Variants in CD38 observed in about 807,000 individuals in gnomAD.
CD38 encodes ADP-ribosyl cyclase/cyclic ADP-ribose hydrolase 1.
Under a neutral mutation model 36.3 loss-of-function variants are expected in CD38, and 31 were observed. The observed-to-expected ratio is 0.85, with a 90% CI of 0.64 to 1.15. The LOEUF is 1.15. Ranked by LOEUF, CD38 falls within the 50% of genes most tolerant of loss-of-function variation. CD38 has a pLI of 0.00. For missense variants in CD38, 380 were observed against 371.9 expected (o/e 1.02, Z -0.18); for synonymous variants, 131 against 135.2 (o/e 0.97, Z 0.22).
intron 5 of CD38, 137 bp downstream of exon 5, chr4:15,838,302 G>T: frequency 3.0e-6 from 2 of 676,724 alleles, no homozygotes; most frequent in South Asian, 1.9e-5. Context: ...TAAAAATTTT[G>T]AATTCCGTGG....
rs1724367173 is a variant in CD38, at chr4:15,850,822, G to A, written c.*2220G>A. On this transcript the variant is annotated 3_prime_UTR_variant, in exon 8 of 8. Coordinates refer to ENST00000226279, the MANE Select transcript of CD38 (RefSeq NM_001775.4). ...CCCCAAGTTGCCATTAGCTCCCCCTGCAGAATGTCTTCAGAATCGGGGCCC... is the reference window on the plus strand; with the variant it reads ...CCCCAAGTTGCCATTAGCTCCCCCTACAGAATGTCTTCAGAATCGGGGCCC... The A allele has an allele frequency of 6.6e-6, 1 of 152,320 alleles. No homozygotes were observed. The highest frequency in any genetic ancestry group is 1.5e-5 in the Non-Finnish European group (1 of 68,080). The allele number at this position is 152,320 out of a possible 1,614,324, so 9.4% of individuals were successfully genotyped here.
chr4:15,786,041 T>G (rs955590722), intron 1 of CD38, among the ~76,000 whole-genome samples: 1 of 152,154 alleles, frequency 6.6e-6, no homozygotes, highest in Non-Finnish European at 1.5e-5. Context: ...TTCCTCCTGG[T>G]GGGTTCATGG....
chr4:15,788,690 A>G (rs1385461197), intron 1 of CD38, among the ~76,000 whole-genome samples: 3 of 152,242 alleles, frequency 2.0e-5, no homozygotes, highest in African/African-American at 7.2e-5. Flanking sequence ...CAAGAGTAAC[A>G]GCTGAATTTG....
At chr4:15,818,766 C>T (rs1050432312) in intron 2 of CD38, among the ~76,000 whole-genome samples, 1 of 152,060 alleles carries the variant, frequency 6.6e-6, no homozygotes, top group African/African-American at 2.4e-5. Flanking sequence ...CTGCAGCAGC[C>T]CTATGGAAGA....
chr4:15,821,574 C>G (rs1301315802), intron 2 of CD38, among the ~76,000 whole-genome samples: 2 of 151,402 alleles, frequency 1.3e-5, no homozygotes, highest in Non-Finnish European at 2.9e-5. Flanking sequence ...ACTAGAACAT[C>G]TAGAAGAAAT....
chr4:15,798,045 A>C (rs1483788136), intron 1 of CD38, among the ~76,000 whole-genome samples: 1 of 152,214 alleles, frequency 6.6e-6, no homozygotes, highest in African/African-American at 2.4e-5. Context: ...GAAAAGGTTT[A>C]AAATATATTG....
chr4:15,838,864 A>G (rs769041325), intron 5 of CD38, among the ~76,000 whole-genome samples: 2 of 152,318 alleles, frequency 1.3e-5, no homozygotes, highest in South Asian at 2.1e-4. Context: ...TGTGCCTGAC[A>G]ACAGAGAAAG....
chr4:15,832,737 T>A (rs6825395), intron 3 of CD38, among the ~76,000 whole-genome samples: 2,992 of 152,198 alleles, frequency 0.02, 96 homozygotes, highest in African/African-American at 0.068. Flanking sequence ...AGCTGCCATC[T>A]ATATTTGCTC....
At chr4:15,789,489 T>C (rs1005916853) in intron 1 of CD38, among the ~76,000 whole-genome samples, 22 of 152,192 alleles carry the variant, frequency 1.4e-4, no homozygotes, top group African/African-American at 5.3e-4. Context: ...CCATAAACTT[T>C]GGGGATTTCT....
intron 1 of CD38, among the ~76,000 whole-genome samples, chr4:15,794,920 A>G (rs1723077247): frequency 1.3e-5 from 2 of 152,250 alleles, no homozygotes; most frequent in South Asian, 2.1e-4. Context: ...TCAGGTGTGC[A>G]AAAGAGTAGT....
At chr4:15,787,661 G>T (rs573096470) in intron 1 of CD38, among the ~76,000 whole-genome samples, 1 of 152,200 alleles carries the variant, frequency 6.6e-6, no homozygotes, top group Admixed American at 6.5e-5. Flanking sequence ...TGGTTGCCAG[G>T]ACGTGTTCCT....
At position 15,825,023 on chromosome 4, in the gene CD38, C is replaced by T. The variant is rs1198291297; in HGVS notation, c.499+7C>T. On this transcript the variant is annotated splice_region_variant and intron_variant, in intron 3 of 7. Transcript: ENST00000226279. Reference sequence around the variant, plus strand: ...GGTGAATTCAACACTTCCAGTGAGGCTCTGGGCCCTGTGGGATTGCCCAGG... The same window carrying T: ...GGTGAATTCAACACTTCCAGTGAGGTTCTGGGCCCTGTGGGATTGCCCAGG... 2.5e-6 allele frequency: 4 copies of T among 1,602,804 alleles called. No individual in the cohort carries two copies. Among genetic ancestry groups the T allele is most frequent in the Non-Finnish European group, 3.4e-6 (4 of 1,173,766 alleles).
rs184895695 is a variant in CD38, at chr4:15,829,848, C to T, written c.500-4369C>T. Among the ~76,000 whole-genome samples the T allele has an allele frequency of 2.1e-3, 327 of 152,246 alleles. 3 individuals are homozygous for T. The highest frequency in any genetic ancestry group is 7.3e-3 in the African/African-American group (304 of 41,544). Reference sequence around the variant, plus strand: ...ATAAGTGAGAACATCCTATGTTTATCTTTCTGTGTCTAGCTTATTTCACTT... The same window carrying T: ...ATAAGTGAGAACATCCTATGTTTATTTTTCTGTGTCTAGCTTATTTCACTT... On this transcript the variant is annotated intron_variant, in intron 3 of 7. Transcript: ENST00000226279.
intron 1 of CD38, among the ~76,000 whole-genome samples, chr4:15,791,811 G>GCC (rs572643719): frequency 1.2e-5 from 1 of 82,190 alleles, no homozygotes; most frequent in South Asian, 3.7e-4. Context: ...GGGAGGGTCA[G>GCC]CCCCCCGCCC....
chr4:15,800,000 G>A (rs1723182966), intron 1 of CD38, among the ~76,000 whole-genome samples: 1 of 152,132 alleles, frequency 6.6e-6, no homozygotes, highest in Non-Finnish European at 1.5e-5. Flanking sequence ...CTAAAATAGG[G>A]AAGCTAAAAG....
intron 1 of CD38, among the ~76,000 whole-genome samples, chr4:15,809,199 T>G (rs1188440733): frequency 1.3e-5 from 2 of 152,218 alleles, no homozygotes; most frequent in Admixed American, 6.5e-5. Flanking sequence ...CATTGCTGAT[T>G]GTTGGCTAAC....
intron 7 of CD38, among the ~76,000 whole-genome samples, chr4:15,841,763 A>G (rs1187587590): frequency 1.4e-5 from 2 of 147,202 alleles, no homozygotes; most frequent in Non-Finnish European, 3.0e-5. Flanking sequence ...GCAAGGGGTC[A>G]GGGAGTTCCC....
intron 1 of CD38, among the ~76,000 whole-genome samples, chr4:15,810,995 C>G (rs6449192): frequency 0.44 from 67,002 of 152,002 alleles, 17,140 homozygotes; most frequent in African/African-American, 0.72. Flanking sequence ...GGTATCTCTT[C>G]GTTTTGATTT....
chr4:15,830,362 A>G (rs530398416), intron 3 of CD38, among the ~76,000 whole-genome samples: 6 of 152,192 alleles, frequency 3.9e-5, no homozygotes, highest in Non-Finnish European at 7.4e-5. Context: ...ACACATTTTC[A>G]TATGCCTGTT....
Sources: allele counts gnomAD v4.1 joint callset (sites outside exome capture counted in the v4.1 genomes callset), GRCh38; gene constraint gnomAD v4.1.1; transcripts MANE v1.5; gene names NCBI Gene and HGNC (gene_info 2026-07-23, HGNC 2026-07-21).